Variants in USO1 observed in about 807,000 individuals in gnomAD.
USO1 encodes the protein general vesicular transport factor p115.
In USO1, 57 loss-of-function variants were observed where a neutral mutation model predicts 124.5. The observed-to-expected ratio is 0.46, with a 90% CI of 0.37 to 0.57. USO1 has a LOEUF of 0.57. Among genes scored for constraint, USO1 ranks in the 20% least tolerant of loss-of-function variants. USO1 has a pLI of 0.00. For synonymous variants in USO1, 369 were observed against 362.8 expected, an observed-to-expected ratio of 1.02 and a Z score of -0.19; for missense variants, 900 against 1,040.6, an observed-to-expected ratio of 0.86 and a Z score of 1.86.
At chr4:75,729,584 G>A (rs1021940402) in intron 1 of USO1, among the ~76,000 whole-genome samples, 14 of 152,100 alleles carry the variant, frequency 9.2e-5, no homozygotes, top group African/African-American at 3.4e-4. Context: ...CAGGCAGTCT[G>A]CCCGCCTCGG....
At position 75,804,142 on chromosome 4, in the gene USO1, A is replaced by G; in HGVS notation, c.1995A>G (p.Gln665=). Residue 665 remains glutamine (Q), a synonymous_variant, in exon 18 of 24, where the codon CAA becomes CAG. Coordinates refer to ENST00000514213, the MANE Select transcript of USO1 (RefSeq NM_003715.4). ...TATGTTTTGTTTCACAGGATCTCCA[A>G]CTTGAGGAATTAAGGCAGCAGGTTT... ...YKNMIREQDL[Q]LEELRQQVST... 1 of 1,613,034 alleles carries G rather than the reference A, an allele frequency of 6.2e-7. No homozygotes were observed.
At chr4:75,738,678 G>A (rs1720865439) in intron 1 of USO1, among the ~76,000 whole-genome samples, 2 of 151,792 alleles carry the variant, frequency 1.3e-5, no homozygotes, top group Admixed American at 1.3e-4. Context: ...TAGGGGTTTC[G>A]CCATGTTGCC....
At chr4:75,762,599 CTAGTT>C (rs950278658) in intron 4 of USO1, among the ~76,000 whole-genome samples, 1 of 151,320 alleles carries the variant, frequency 6.6e-6, no homozygotes, top group African/African-American at 2.4e-5. Flanking sequence ...ATTCACAAAA[CTAGTT>C]TATAGAATAT....
At chr4:75,800,940 G>A in intron 16 of USO1, 139 bp from the exon 17 acceptor site, 1 of 1,404,348 alleles carries the variant, frequency 7.1e-7, no homozygotes, top group Non-Finnish European at 9.5e-7. Context: ...GCCCATTGAA[G>A]GACATTTGGC....
chr4:75,770,312 C>A, intron 4 of USO1, 127 bp from the exon 5 acceptor site: 1 of 769,540 alleles, frequency 1.3e-6, no homozygotes, highest in Non-Finnish European at 1.9e-6. Context: ...ATATTGCTAC[C>A]AGCCACACTG....
At chr4:75,797,004 T>C (rs1722704436) in intron 13 of USO1, among the ~76,000 whole-genome samples, 3 of 151,762 alleles carry the variant, frequency 2.0e-5, no homozygotes, top group African/African-American at 7.3e-5. Flanking sequence ...GGCCTTTCCA[T>C]GTTCAGATTT....
chr4:75,794,555 A>G (rs370429447), intron 13 of USO1, among the ~76,000 whole-genome samples: 3 of 152,352 alleles, frequency 2.0e-5, no homozygotes, highest in South Asian at 2.1e-4. Flanking sequence ...CAGCCTTGCT[A>G]TTGAACAGTT....
chr4:75,743,982 T>G (rs571405634), intron 1 of USO1, among the ~76,000 whole-genome samples: 1 of 152,278 alleles, frequency 6.6e-6, no homozygotes, highest in East Asian at 1.9e-4. Context: ...TTCACCGTGT[T>G]AGCCAGGATA....
At chr4:75,766,140 T>A (rs939690134) in intron 4 of USO1, among the ~76,000 whole-genome samples, 35 of 152,304 alleles carry the variant, frequency 2.3e-4, no homozygotes, top group Admixed American at 9.2e-4. Context: ...TTTTGATAGA[T>A]TGCATATAAC....
In USO1 at chr4:75,782,986, A is replaced by G. The variant is rs1175272315; in HGVS notation, c.855+128A>G. 5.5e-6 allele frequency: 7 copies of G among 1,282,566 alleles called. No homozygotes were observed. In the Admixed American group the frequency reaches 1.0e-4, roughly 19 times the overall value. The allele number at this position is 1,282,566 out of a possible 1,614,324, so 79.4% of individuals were successfully genotyped here. A position where few individuals can be genotyped will look rare whatever the true frequency, so the allele number is the denominator to read the frequency against. ...TTCAGGTTGGCTTAAAAAAACTGTA[A>G]TATGGAAATTTGCAGTTATCCTCTA... On this transcript the variant is annotated intron_variant, in intron 9 of 23. Coordinates refer to ENST00000514213, the MANE Select transcript of USO1 (RefSeq NM_003715.4).
intron 8 of USO1, among the ~76,000 whole-genome samples, chr4:75,780,289 T>C (rs1053681581): frequency 3.3e-5 from 5 of 152,120 alleles, no homozygotes; most frequent in Non-Finnish European, 7.4e-5. Flanking sequence ...TTTTTTGAGA[T>C]GGAGTCTCGC....
intron 17 of USO1, among the ~76,000 whole-genome samples, chr4:75,803,644 C>T (rs528880089): frequency 2.1e-5 from 3 of 146,322 alleles, no homozygotes; most frequent in South Asian, 2.1e-4. Context: ...AGCGAAACTC[C>T]GTCTCAAAAA....
Position 75,782,843 on chromosome 4 carries a change from A to G in USO1, c.840A>G (p.Leu280=), listed in dbSNP as rs1440232080. ...GGTCTGCACAGAAAGTGACCAATCT[A>G]CATCTAATGCTACAGGTATACTATC... ...SGWSAQKVTN[L]HLMLQLVRVL... is the part of the protein sequence containing the mutation. The change falls in exon 9 of 24, where the codon CTA becomes CTG. Residue 280 remains leucine, a synonymous_variant. Transcript: ENST00000514213. The G allele has an allele frequency of 1.3e-6, 2 of 1,596,182 alleles. No individual in the cohort carries two copies. Among genetic ancestry groups the G allele is most frequent in the Non-Finnish European group, 1.7e-6 (2 of 1,175,130 alleles).
chr4:75,765,998 C>T (rs996050332), intron 4 of USO1, among the ~76,000 whole-genome samples: 16 of 152,112 alleles, frequency 1.1e-4, no homozygotes, highest in Non-Finnish European at 2.2e-4. Flanking sequence ...TTATCCTCTC[C>T]TCTACCTGTT....
intron 9 of USO1, 47 bp from the exon 10 acceptor site, chr4:75,787,015 T>G: frequency 6.5e-7 from 1 of 1,529,652 alleles, no homozygotes; most frequent in Non-Finnish European, 8.8e-7. Context: ...GCCTCAAGCC[T>G]TTTCAAATCT....
At chr4:75,754,752 C>T (rs1721390252) in intron 3 of USO1, among the ~76,000 whole-genome samples, 2 of 152,170 alleles carry the variant, frequency 1.3e-5, no homozygotes, top group South Asian at 4.1e-4. Context: ...ATTTTCTTTC[C>T]GTTTCCTTTT....
intron 1 of USO1, among the ~76,000 whole-genome samples, chr4:75,733,351 T>C (rs1720693802): frequency 6.6e-6 from 1 of 152,226 alleles, no homozygotes; most frequent in Admixed American, 6.5e-5. Context: ...CTGGGTCGAA[T>C]GGTAGTTCTG....
At chr4:75,755,535 C>G in intron 3 of USO1, 2 of 514,228 alleles carry the variant, frequency 3.9e-6, no homozygotes, top group South Asian at 2.8e-5. Context: ...ATCTCGTAGA[C>G]TCGTTTTCAG....
At chr4:75,757,746 T>C (rs568336104) in intron 4 of USO1, among the ~76,000 whole-genome samples, 173 bp downstream of exon 4, 2 of 152,258 alleles carry the variant, frequency 1.3e-5, no homozygotes, top group South Asian at 4.1e-4. Flanking sequence ...GTCTTTAGGA[T>C]GATTGCTTTG....
Sources: allele counts gnomAD v4.1 joint callset (sites outside exome capture counted in the v4.1 genomes callset), GRCh38; gene constraint gnomAD v4.1.1; transcripts MANE v1.5; gene names NCBI Gene and HGNC (gene_info 2026-07-23, HGNC 2026-07-21).